RAPH1: variants seen among roughly 807,000 people sequenced by gnomAD.
The protein encoded by RAPH1 is Ras association (RalGDS/AF-6) and pleckstrin homology domains 1.
A neutral mutation model predicts 88.1 loss-of-function variants in RAPH1; 18 were observed. That is an observed-to-expected ratio of 0.20 (90% CI 0.14 to 0.30). RAPH1 has a LOEUF of 0.30. Among genes scored for constraint, RAPH1 ranks in the 10% least tolerant of loss-of-function variants. RAPH1 has a pLI of 1.00. For missense variants in RAPH1, 1,448 were observed against 1,543.2 expected, an observed-to-expected ratio of 0.94 and a Z score of 1.03; for synonymous variants, 587 against 559.0, an observed-to-expected ratio of 1.05 and a Z score of -0.71.
At chr2:203,503,992 A>C (rs1165039672) in intron 1 of RAPH1, among the ~76,000 whole-genome samples, 1 of 152,208 alleles carries the variant, frequency 6.6e-6, no homozygotes, top group East Asian at 1.9e-4. Context: ...GGTCTTGGGC[A>C]GCTCTGCCCC....
chr2:203,526,811 G>C (rs1216883446), intron 1 of RAPH1, among the ~76,000 whole-genome samples: 1 of 147,730 alleles, frequency 6.8e-6, no homozygotes, highest in Non-Finnish European at 1.5e-5. Flanking sequence ...TTGAGACAGA[G>C]TCTCGCTCTG....
At chr2:203,464,774 A>G (rs895106772) in intron 4 of RAPH1, among the ~76,000 whole-genome samples, 1 of 150,712 alleles carries the variant, frequency 6.6e-6, no homozygotes, top group African/African-American at 2.5e-5. Context: ...TATAAAAAAA[A>G]AGAGAGAGAG....
chr2:203,492,233 CA>C lies in RAPH1; in HGVS notation c.121-915del, dbSNP rs547450219. ...TGGGCGACAGAGCGAGACTCAATCTCAAAAAAAAAAAAAAAAGAAACCGCAC... is the reference window on the plus strand; with the variant it reads ...TGGGCGACAGAGCGAGACTCAATCTCAAAAAAAAAAAAAAAGAAACCGCAC... On this transcript the variant is annotated intron_variant, in intron 2 of 13. Transcript: ENST00000319170. Among the ~76,000 whole-genome samples, 311 of 133,474 alleles carry C rather than the reference CA, an allele frequency of 2.3e-3. 1 individual carries two copies. Among genetic ancestry groups the C allele is most frequent in the Non-Finnish European group, 2.5e-3 (154 of 62,810 alleles). The allele number at this position is 133,474 out of a possible 152,430, so 87.6% of individuals were successfully genotyped here.
Position 203,438,204 on chromosome 2 carries a change from A to G in RAPH1, c.*1233T>C. On this transcript the variant is annotated 3_prime_UTR_variant, in exon 14 of 14. Transcript: ENST00000319170. ...GGTCCTGGTAGCCCCAGTAGCTATA[A>G]ATGAAACTGTCTTCCCTCTCCATGT... 1 of 518,366 alleles carries G rather than the reference A, an allele frequency of 1.9e-6. No homozygotes were observed. Among genetic ancestry groups the G allele is most frequent in the South Asian group, 1.4e-5 (1 of 71,300 alleles). The allele number at this position is 518,366 out of a possible 1,614,324, so 32.1% of individuals were successfully genotyped here. A position where few individuals can be genotyped will look rare whatever the true frequency, so the allele number is the denominator to read the frequency against.
chr2:203,531,004 A>T (rs765455160), intron 1 of RAPH1, among the ~76,000 whole-genome samples: 3 of 152,194 alleles, frequency 2.0e-5, no homozygotes, highest in Admixed American at 6.5e-5. Context: ...AGTCCTTTCA[A>T]CAAATGGTGC....
At chr2:203,500,905 T>C (rs1050999367) in intron 1 of RAPH1, among the ~76,000 whole-genome samples, 7 of 152,242 alleles carry the variant, frequency 4.6e-5, no homozygotes, top group African/African-American at 1.4e-4. Flanking sequence ...GTTATTCATT[T>C]ACAGATAAAT....
Position 203,439,260 on chromosome 2 carries a change from T to TAC in RAPH1, c.*175_*176dup, listed in dbSNP as rs199698487. The TAC allele has an allele frequency of 1.1e-3, 645 of 600,868 alleles. 13 individuals are homozygous for TAC. In the East Asian group the frequency reaches 0.014, roughly 13 times the overall value. The allele number at this position is 600,868 out of a possible 1,614,324, so 37.2% of individuals were successfully genotyped here. A position where few individuals can be genotyped will look rare whatever the true frequency, so the allele number is the denominator to read the frequency against. ...ACACATACATATATGTATACATATA[T>TAC]ACACACACTGTACAGCTGTGTGTAC... On this transcript the variant is annotated 3_prime_UTR_variant, in exon 14 of 14. Coordinates refer to ENST00000319170, the MANE Select transcript of RAPH1 (RefSeq NM_213589.3).
intron 1 of RAPH1, among the ~76,000 whole-genome samples, chr2:203,510,936 C>A (rs1689313844): frequency 1.3e-5 from 2 of 151,922 alleles, no homozygotes; most frequent in South Asian, 4.2e-4. Flanking sequence ...TTATGTATAT[C>A]TCAATTTAAA....
intron 2 of RAPH1, among the ~76,000 whole-genome samples, chr2:203,493,027 C>T (rs908257172): frequency 6.6e-6 from 1 of 152,110 alleles, no homozygotes; most frequent in African/African-American, 2.4e-5. Flanking sequence ...CTGTAATGAA[C>T]TAAAGTAATG....
At chr2:203,493,727 G>A (rs1323031479) in intron 2 of RAPH1, among the ~76,000 whole-genome samples, 2 of 151,924 alleles carry the variant, frequency 1.3e-5, no homozygotes, top group African/African-American at 4.8e-5. Flanking sequence ...AATCCCAGCA[G>A]TTTGAGAGGC....
chr2:203,518,774 G>A (rs1464889561), intron 1 of RAPH1, among the ~76,000 whole-genome samples: 1 of 152,084 alleles, frequency 6.6e-6, no homozygotes, highest in African/African-American at 2.4e-5. Flanking sequence ...TTTGAGCCCA[G>A]TTCAAGGTTA....
intron 7 of RAPH1, among the ~76,000 whole-genome samples, chr2:203,458,041 C>T (rs1318034048): frequency 2.5e-4 from 38 of 152,124 alleles, no homozygotes; most frequent in Non-Finnish European, 4.9e-4. Flanking sequence ...CTCTGGGACT[C>T]ATTTATTAAT....
chr2:203,528,987 A>ATATATATG (rs1379737178), intron 1 of RAPH1, among the ~76,000 whole-genome samples: 2 of 72,408 alleles, frequency 2.8e-5, no homozygotes, highest in Non-Finnish European at 5.3e-5. Flanking sequence ...TGCTATATAT[A>ATATATATG]TATATATATA....
intron 7 of RAPH1, 54 bp downstream of exon 7, chr2:203,459,853 T>A: frequency 1.3e-6 from 2 of 1,572,672 alleles, no homozygotes; most frequent in South Asian, 2.3e-5. Context: ...AGTAATCGAA[T>A]AAAATAGGAG....
intron 7 of RAPH1, among the ~76,000 whole-genome samples, chr2:203,458,947 A>G (rs1251830759): frequency 6.6e-6 from 1 of 152,082 alleles, no homozygotes; most frequent in African/African-American, 2.4e-5. Flanking sequence ...TATTTTTAGT[A>G]GAGACAGGGT....
chr2:203,448,677 C>G lies in RAPH1; in HGVS notation c.1512+61G>C. On this transcript the variant is annotated intron_variant, in intron 11 of 13. Coordinates refer to ENST00000319170, the MANE Select transcript of RAPH1 (RefSeq NM_213589.3). This position sits in a 1 kb window ranked among gnomAD's most constrained non-coding sequence, Gnocchi z 4.1. ...ATAGTCAGAATAGTTGTCATGAAAA[C>G]GAAAACTATATCATCGACAAACACC... 8.3e-7 allele frequency: 1 copy of G among 1,207,544 alleles called. No homozygotes were observed. Among genetic ancestry groups the G allele is most frequent in the Non-Finnish European group, 1.2e-6 (1 of 851,208 alleles). 74.8% of individuals were successfully genotyped at this position (1,207,544 alleles called of 1,614,324 possible).
chr2:203,532,675 TTTA>T (rs944326613), intron 1 of RAPH1, among the ~76,000 whole-genome samples: 5 of 152,320 alleles, frequency 3.3e-5, no homozygotes, highest in Middle Eastern at 6.8e-3. Flanking sequence ...GTGGCCACTT[TTTA>T]TTATTATAAG....
At chr2:203,450,048 AAAG>A (rs1371852164) in intron 10 of RAPH1, among the ~76,000 whole-genome samples, 1 of 151,838 alleles carries the variant, frequency 6.6e-6, no homozygotes, top group Non-Finnish European at 1.5e-5. Flanking sequence ...ACAAAGAAAG[AAAG>A]AAAAAAAGCT....
intron 1 of RAPH1, among the ~76,000 whole-genome samples, chr2:203,517,359 C>CAAAAAAAAAAA (rs71408943): frequency 4.0e-4 from 13 of 32,144 alleles, no homozygotes; most frequent in African/African-American, 9.9e-4. Flanking sequence ...CTATGAGAGG[C>CAAAAAAAAAAA]AAAAAAAAAA....
Sources: gnomAD v4.1 joint callset for allele counts (sites outside exome capture counted in the v4.1 genomes callset) on GRCh38, gnomAD v4.1.1 for gene constraint, Gnocchi (gnomAD v3.1) non-coding constraint, MANE v1.5 for transcripts, NCBI Gene and HGNC (gene_info 2026-07-23, HGNC 2026-07-21) for gene names.